The following CDKAL1 variants were observed in gnomAD, a reference collection of about 807,000 sequenced individuals.
CDKAL1 encodes the protein threonylcarbamoyladenosine tRNA methylthiotransferase.
CDKAL1 carries 32 observed loss-of-function variants against 68.2 expected under a neutral mutation model. The ratio of observed to expected loss-of-function variants is 0.47; its 90% confidence interval spans 0.35 to 0.63. The LOEUF is 0.63. CDKAL1 is among the 30% of genes least tolerant of loss of function. The pLI is 0.00. For synonymous variants in CDKAL1, 234 were observed against 244.3 expected, an observed-to-expected ratio of 0.96 and a Z score of 0.39; for missense variants, 606 against 696.7, an observed-to-expected ratio of 0.87 and a Z score of 1.47.
intron 6 of CDKAL1, among the ~76,000 whole-genome samples, chr6:20,739,879 C>T (rs1018228163): frequency 2.0e-5 from 3 of 152,162 alleles, no homozygotes; most frequent in African/African-American, 7.2e-5. Context: ...CTTAATAACC[C>T]GGTCTTTGGC....
rs111711716 is a variant in CDKAL1, at chr6:20,631,175, C to G, written c.287-18118C>G. On this transcript the variant is annotated intron_variant, in intron 4 of 15. Transcript: ENST00000274695. ...GAAGTTCTGCCCACCTGTTACGCCT[C>G]TGTGACATACTGCCACCTTCTAGAT... 3.2e-3 allele frequency among the ~76,000 whole-genome samples: 482 copies of G among 152,316 alleles called. 5 individuals carry two copies. Among genetic ancestry groups the G allele is most frequent in the African/African-American group, 0.011 (453 of 41,580 alleles).
intron 8 of CDKAL1, among the ~76,000 whole-genome samples, chr6:20,795,839 A>C (rs545151822): frequency 6.6e-6 from 1 of 152,176 alleles, no homozygotes; most frequent in Non-Finnish European, 1.5e-5. Flanking sequence ...GTGAACTTCT[A>C]TGTAAGGCTT....
intron 4 of CDKAL1, among the ~76,000 whole-genome samples, chr6:20,613,583 G>T (rs1766748870): frequency 6.7e-6 from 1 of 149,982 alleles, no homozygotes; most frequent in South Asian, 2.1e-4. Context: ...CTGCGACAAA[G>T]TTTCTTATTT....
Position 21,065,115 on chromosome 6 carries a change from C to T in CDKAL1, c.1123C>T (p.Gln375Ter). 3 of 1,607,250 alleles carry T rather than the reference C, an allele frequency of 1.9e-6. No individual in the cohort carries two copies. Among genetic ancestry groups the T allele is most frequent in the Non-Finnish European group, 2.5e-6 (3 of 1,177,088 alleles). The change falls in exon 12 of 16, where the codon CAA becomes TAA. Residue 375 changes from glutamine to a stop codon, truncating the protein, a stop_gained. Transcript: ENST00000274695. LOFTEE classifies it high-confidence loss of function. ...TCCTGGAGAAACAGATCAGGATTTT[C>T]AAGAAACAGTGAAACTTGTTGAAGA... ...GFPGETDQDFQETVKLVEEYK... is the reference protein window; with the variant it reads ...GFPGETDQDF
intron 8 of CDKAL1, among the ~76,000 whole-genome samples, chr6:20,823,276 T>G (rs1777363076): frequency 1.3e-5 from 2 of 152,190 alleles, no homozygotes; most frequent in Admixed American, 1.3e-4. Context: ...TGGCCATTCA[T>G]ATGGTCCTTG....
rs9465869 is a variant in CDKAL1, at chr6:20,708,945, T to C, written c.372-30574T>C. Among the ~76,000 whole-genome samples the C allele has an allele frequency of 6.0e-3, 914 of 152,290 alleles. 13 individuals carry two copies. Among genetic ancestry groups the C allele is most frequent in the African/African-American group, 0.021 (855 of 41,554 alleles). ...TATCATAATAGTCAAACATTGGTCA[T>C]GATAGAACTTGCTTCAGTACTTCAT... On this transcript the variant is annotated intron_variant, in intron 5 of 15. Coordinates refer to ENST00000274695, the MANE Select transcript of CDKAL1 (RefSeq NM_017774.3).
At chr6:20,549,570 C>G (rs9348433) in intron 4 of CDKAL1, among the ~76,000 whole-genome samples, 61,090 of 149,734 alleles carry the variant, frequency 0.41, 12,632 homozygotes, top group East Asian at 0.54. Context: ...ATCTTGTTTT[C>G]TTTACATTTA....
intron 5 of CDKAL1, among the ~76,000 whole-genome samples, chr6:20,693,430 T>G (rs1346553517): frequency 6.6e-6 from 1 of 152,114 alleles, no homozygotes; most frequent in African/African-American, 2.4e-5. Context: ...GAGACCAAAC[T>G]TATAGAACTG....
intron 13 of CDKAL1, among the ~76,000 whole-genome samples, chr6:21,169,854 A>G (rs1020294521): frequency 2.0e-5 from 3 of 151,130 alleles, no homozygotes; most frequent in African/African-American, 7.3e-5. Context: ...TTGCAGAAGA[A>G]CTCCCTTTTG....
chr6:21,076,019 A>T (rs1305550624), intron 12 of CDKAL1, among the ~76,000 whole-genome samples: 3 of 152,182 alleles, frequency 2.0e-5, no homozygotes, highest in Admixed American at 1.3e-4. Context: ...ACCAGAGAGT[A>T]AAGGCAATAT....
At chr6:20,866,836 A>G (rs1477740483) in intron 9 of CDKAL1, among the ~76,000 whole-genome samples, 1 of 152,206 alleles carries the variant, frequency 6.6e-6, no homozygotes, top group Non-Finnish European at 1.5e-5. Flanking sequence ...GCAGCGAGGG[A>G]TTGGTTCCCA....
intron 4 of CDKAL1, among the ~76,000 whole-genome samples, chr6:20,588,568 T>A (rs995665722): frequency 1.3e-5 from 2 of 152,242 alleles, no homozygotes; most frequent in African/African-American, 4.8e-5. Context: ...TCTTTCTATT[T>A]CAGGTTTTCC....
intron 13 of CDKAL1, among the ~76,000 whole-genome samples, chr6:21,179,885 G>A (rs188291259): frequency 6.6e-6 from 1 of 152,298 alleles, no homozygotes; most frequent in East Asian, 1.9e-4. Context: ...GCTGGGCGTG[G>A]TAGCATGTGC....
At chr6:20,582,904 T>C (rs931258412) in intron 4 of CDKAL1, among the ~76,000 whole-genome samples, 9 of 152,186 alleles carry the variant, frequency 5.9e-5, no homozygotes, top group Non-Finnish European at 1.2e-4. Flanking sequence ...TTCTCTAAGC[T>C]TCCACAGATC....
intron 13 of CDKAL1, among the ~76,000 whole-genome samples, chr6:21,119,633 T>C (rs1160381215): frequency 6.6e-6 from 1 of 152,208 alleles, no homozygotes; most frequent in East Asian, 1.9e-4. Context: ...CAGTTTCTCC[T>C]TCCATGTTTG....
chr6:20,854,517 A>G (rs1759216140), intron 9 of CDKAL1, among the ~76,000 whole-genome samples: 1 of 152,204 alleles, frequency 6.6e-6, no homozygotes. Context: ...CATTATCACA[A>G]TCAATAATTG....
chr6:20,821,125 G>A (rs1317034502), intron 8 of CDKAL1, among the ~76,000 whole-genome samples: 1 of 152,064 alleles, frequency 6.6e-6, no homozygotes, highest in Non-Finnish European at 1.5e-5. Flanking sequence ...AGAGCGGTAG[G>A]AAATGAGACT....
At chr6:20,772,478 T>C (rs1358966848) in intron 7 of CDKAL1, among the ~76,000 whole-genome samples, 1 of 152,214 alleles carries the variant, frequency 6.6e-6, no homozygotes, top group East Asian at 1.9e-4. Flanking sequence ...TTGCAAAAGA[T>C]ATAGTAATTA....
At chr6:21,032,804 G>T (rs1018758593) in intron 11 of CDKAL1, among the ~76,000 whole-genome samples, 5 of 152,054 alleles carry the variant, frequency 3.3e-5, no homozygotes, top group African/African-American at 9.7e-5. Context: ...TGTGATGTTC[G>T]CACAACAGCA....
Sources: allele counts gnomAD v4.1 joint callset (sites outside exome capture counted in the v4.1 genomes callset), GRCh38; gene constraint gnomAD v4.1.1; transcripts MANE v1.5; gene names NCBI Gene and HGNC (gene_info 2026-07-23, HGNC 2026-07-21).